LYPLAL1: variants seen among roughly 807,000 people sequenced by gnomAD.
LYPLAL1 encodes the protein lysophospholipase-like protein 1.
Under a neutral mutation model 19.7 loss-of-function variants are expected in LYPLAL1, and 23 were observed. The ratio of observed to expected loss-of-function variants is 1.17; its 90% CI spans 0.84 to 1.65. LYPLAL1 has a LOEUF of 1.65. Ranked by LOEUF, LYPLAL1 falls within the 40% of genes most tolerant of loss-of-function variation. LYPLAL1 has a pLI of 0.00. For synonymous variants in LYPLAL1, 119 were observed against 96.3 expected (o/e 1.24, Z -1.38); for missense variants, 355 against 279.4 (o/e 1.27, Z -1.93).
chr1:219,217,212 A>G (rs989059660), downstream of LYPLAL1, among the ~76,000 whole-genome samples: 40 of 152,162 alleles, frequency 2.6e-4, no homozygotes, highest in African/African-American at 9.4e-4. Context: ...TACATTTTAT[A>G]TGCATGTGTC....
chr1:219,196,717 T>C (rs938950786), intron 3 of LYPLAL1, among the ~76,000 whole-genome samples: 8 of 152,150 alleles, frequency 5.3e-5, no homozygotes, highest in African/African-American at 1.9e-4. Flanking sequence ...CTGTGTCTAT[T>C]TGCAAATGAC....
chr1:219,355,703 A>G, the LYPLAL1 span, among the ~76,000 whole-genome samples: 10,426 of 152,290 alleles, frequency 0.068, 501 homozygotes, highest in South Asian at 0.14. Context: ...ATTCACCAAG[A>G]TAGACCATAT....
At chr1:219,428,979 A>G in the LYPLAL1 span, among the ~76,000 whole-genome samples, 36 of 152,200 alleles carry the variant, frequency 2.4e-4, no homozygotes, top group African/African-American at 8.7e-4. Flanking sequence ...GTGTGTGCGT[A>G]TGTTTTCATA....
the LYPLAL1 span, among the ~76,000 whole-genome samples, chr1:219,241,128 C>CTA: frequency 1.2e-3 from 97 of 81,254 alleles, no homozygotes; most frequent in Middle Eastern, 5.7e-3. Flanking sequence ...CTCTCTCTCT[C>CTA]TCTCTCTATA....
At chr1:219,193,355 G>A (rs563089055) in intron 3 of LYPLAL1, 104 bp downstream of exon 3, 9 of 772,130 alleles carry the variant, frequency 1.2e-5, no homozygotes, top group South Asian at 7.7e-5. Context: ...TATATCATTC[G>A]ATGCATTCAT....
At chr1:219,387,517 C>T in the LYPLAL1 span, among the ~76,000 whole-genome samples, 5 of 152,182 alleles carry the variant, frequency 3.3e-5, no homozygotes, top group Non-Finnish European at 5.9e-5. Flanking sequence ...GAAGCCAGTT[C>T]CCCTTAAGAT....
At chr1:219,216,307 G>T (rs1238264167), downstream of LYPLAL1, among the ~76,000 whole-genome samples, 2 of 151,938 alleles carry the variant, frequency 1.3e-5, no homozygotes, top group African/African-American at 4.8e-5. Context: ...CTTTTGATTG[G>T]ATTCTAGACA....
the LYPLAL1 span, among the ~76,000 whole-genome samples, chr1:219,276,753 A>T: frequency 1.3e-5 from 2 of 152,200 alleles, no homozygotes; most frequent in African/African-American, 4.8e-5. Flanking sequence ...GCCTAGACAG[A>T]TCAGTTTGCA....
At chr1:219,429,342 G>T in the LYPLAL1 span, among the ~76,000 whole-genome samples, 3 of 152,176 alleles carry the variant, frequency 2.0e-5, no homozygotes, top group Non-Finnish European at 4.4e-5. Context: ...ATCACTTCAT[G>T]ATATCACCCA....
intron 2 of LYPLAL1, among the ~76,000 whole-genome samples, chr1:219,183,352 A>G (rs767060877): frequency 9.2e-5 from 14 of 152,036 alleles, no homozygotes; most frequent in Non-Finnish European, 1.6e-4. Flanking sequence ...TGGATATATG[A>G]ATACAAATAC....
At chr1:219,201,969 C>G (rs540514030) in intron 3 of LYPLAL1, among the ~76,000 whole-genome samples, 6 of 152,064 alleles carry the variant, frequency 3.9e-5, no homozygotes, top group Non-Finnish European at 8.8e-5. Context: ...CTAGCTGAAC[C>G]TCTCGTATGT....
intron 1 of LYPLAL1, among the ~76,000 whole-genome samples, chr1:219,176,280 C>T (rs1450766977): frequency 1.3e-5 from 2 of 152,180 alleles, no homozygotes; most frequent in Admixed American, 1.3e-4. Context: ...TCCCATAGGA[C>T]ACTGGTTCTT....
chr1:219,179,811 A>G (rs1183232534), intron 2 of LYPLAL1, among the ~76,000 whole-genome samples: 1 of 152,204 alleles, frequency 6.6e-6, no homozygotes, highest in African/African-American at 2.4e-5. Context: ...AAACTGCTAT[A>G]GTTTTGAGGT....
At chr1:219,336,160 T>G in the LYPLAL1 span, among the ~76,000 whole-genome samples, 1 of 151,664 alleles carries the variant, frequency 6.6e-6, no homozygotes, top group African/African-American at 2.4e-5. Context: ...TGATATCCCC[T>G]TTTATCAAGG....
At chr1:219,384,297 T>A in the LYPLAL1 span, among the ~76,000 whole-genome samples, 1 of 152,222 alleles carries the variant, frequency 6.6e-6, no homozygotes, top group South Asian at 2.1e-4. Context: ...GAGGTGATAC[T>A]CTTGCCAGTT....
intron 3 of LYPLAL1, among the ~76,000 whole-genome samples, chr1:219,203,292 C>CT (rs879797594): frequency 0.028 from 3,952 of 140,196 alleles, 61 homozygotes; most frequent in African/African-American, 0.053. Flanking sequence ...GTTTTACAAA[C>CT]TTTTTTTTTT....
the LYPLAL1 span, among the ~76,000 whole-genome samples, chr1:219,241,128 C>CTATATA: frequency 9.7e-4 from 79 of 81,232 alleles, no homozygotes; most frequent in Middle Eastern, 5.7e-3. Flanking sequence ...CTCTCTCTCT[C>CTATATA]TCTCTCTATA....
the LYPLAL1 span, among the ~76,000 whole-genome samples, chr1:219,299,140 C>CTT: frequency 0.016 from 2,082 of 129,350 alleles, 39 homozygotes; most frequent in African/African-American, 0.036. Context: ...CCTCCCCCAG[C>CTT]TTTTTTTTTT....
chr1:219,278,293 A>G, the LYPLAL1 span, among the ~76,000 whole-genome samples: 1 of 152,172 alleles, frequency 6.6e-6, no homozygotes, highest in Non-Finnish European at 1.5e-5. Context: ...AGGACTCATA[A>G]TGTGTCCCAG....
Sources: gnomAD v4.1 joint callset for allele counts (sites outside exome capture counted in the v4.1 genomes callset) on GRCh38, gnomAD v4.1.1 for gene constraint, MANE v1.5 for transcripts, NCBI Gene and HGNC (gene_info 2026-07-23, HGNC 2026-07-21) for gene names.